ANK2: variants seen among roughly 807,000 people sequenced by gnomAD.
ANK2 encodes the protein ankyrin-2.
Under a neutral mutation model 360.5 loss-of-function variants are expected in ANK2, and 83 were observed. The ratio of observed to expected loss-of-function variants is 0.23; its 90% CI spans 0.19 to 0.28. ANK2 has a LOEUF of 0.28. ANK2 is among the 10% of genes least tolerant of loss of function. The probability of loss-of-function intolerance (pLI) is 1.00; values close to 1 mark genes in which losing one functional copy is unlikely to be tolerated. For synonymous variants in ANK2, 1,740 were observed against 1,759.5 expected (o/e 0.99, Z 0.28); for missense variants, 4,201 against 4,795.7 (o/e 0.88, Z 3.66).
the ANK2 span, among the ~76,000 whole-genome samples, chr4:112,749,982 G>C: frequency 8.5e-5 from 13 of 152,170 alleles, 1 homozygote; most frequent in African/African-American, 3.1e-4. Flanking sequence ...CTGACCCCGT[G>C]ATCCGCCCTC....
At chr4:113,226,246 CG>C (rs2099220146) in intron 4 of ANK2, among the ~76,000 whole-genome samples, 1 of 151,962 alleles carries the variant, frequency 6.6e-6, no homozygotes, top group African/African-American at 2.4e-5. Context: ...GTCAAACCCC[CG>C]TACAAAAACC....
rs1321303634 is a variant in ANK2, at chr4:112,957,012, T to TC, written c.21+52498_21+52499insC. On this transcript the variant is annotated intron_variant, in intron 2 of 30. Transcript: ENST00000503271. ...TTATCTGCACTATTGCTCTTGTTTT[T>TC]TTTTTTTTTTTTTTTTTTTTAATTG... Among the ~76,000 whole-genome samples the TC allele has an allele frequency of 8.2e-5, 12 of 145,666 alleles. No individual in the cohort carries two copies. In the South Asian group the frequency reaches 1.5e-3, roughly 19 times the overall value.
intron 1 of ANK2, among the ~76,000 whole-genome samples, chr4:112,873,400 A>G (rs1328962859): frequency 1.3e-5 from 2 of 151,588 alleles, no homozygotes; most frequent in Non-Finnish European, 2.9e-5. Context: ...AGTATGTCGT[A>G]TTTTCATTTT....
rs771549067 is a variant in ANK2 at position 113,355,177 on chromosome 4, T to C, written c.6559T>C (p.Phe2187Leu). ...TFPLDYMKDE[F>L]LPALSLQSGA... is the part of the protein sequence containing the mutation. ...TCCACTCGACTACATGAAAGATGAG[T>C]TCCTTCCAGCTCTGTCTTTACAAAG... Residue 2187 changes from phenylalanine to leucine, a missense_variant, in exon 38 of 46, where the codon TTC becomes CTC. Physicochemically the swap from Phe to Leu is conservative, Grantham distance 22. Around this residue, in one of 4 missense-constraint regions of ANK2, gnomAD observed 2,642 missense variants for 2,714.5 expected, o/e 0.97. Transcript: ENST00000357077. The C allele has an allele frequency of 1.4e-5, 23 of 1,613,992 alleles. No homozygotes were observed. The South Asian group carries it at 2.5e-4, about 18-fold the overall frequency.
chr4:112,935,274 T>C (rs1198204863), intron 2 of ANK2, among the ~76,000 whole-genome samples: 1 of 152,212 alleles, frequency 6.6e-6, no homozygotes, highest in Non-Finnish European at 1.5e-5. Flanking sequence ...TTTAAATATA[T>C]TTTCTTTCAT....
chr4:113,280,800 A>T (rs543024880), intron 17 of ANK2, among the ~76,000 whole-genome samples: 2 of 152,300 alleles, frequency 1.3e-5, no homozygotes, highest in South Asian at 4.1e-4. Flanking sequence ...TTCTTTGATG[A>T]TCGCTTATGT....
intron 1 of ANK2, among the ~76,000 whole-genome samples, chr4:113,172,611 A>G (rs1301794765): frequency 6.6e-6 from 1 of 152,146 alleles, no homozygotes; most frequent in Non-Finnish European, 1.5e-5. Flanking sequence ...TGTTACCTAT[A>G]AGCATCTGCT....
chr4:112,721,056 C>A, the ANK2 span, among the ~76,000 whole-genome samples: 1 of 152,038 alleles, frequency 6.6e-6, no homozygotes. Flanking sequence ...AATCCCAGAA[C>A]CCCCAAGGTT....
intron 2 of ANK2, among the ~76,000 whole-genome samples, chr4:113,033,607 G>A (rs182670112): frequency 4.4e-4 from 67 of 151,372 alleles, no homozygotes; most frequent in East Asian, 1.4e-3. Context: ...GTGTGTGTGC[G>A]TGTGTGTGTG....
intron 1 of ANK2, among the ~76,000 whole-genome samples, chr4:113,062,456 T>G (rs1223061567): frequency 6.6e-6 from 1 of 152,138 alleles, no homozygotes; most frequent in Non-Finnish European, 1.5e-5. Flanking sequence ...ATTCTTAAAT[T>G]TTCTGGCTGT....
chr4:113,351,860 C>T (rs1266851203), intron 37 of ANK2, among the ~76,000 whole-genome samples: 2 of 152,238 alleles, frequency 1.3e-5, no homozygotes, highest in African/African-American at 4.8e-5. Context: ...ATTAAATAAT[C>T]TTCATCTAGG....
At chr4:113,197,390 T>TA (rs2098763794) in intron 3 of ANK2, among the ~76,000 whole-genome samples, 2 of 152,192 alleles carry the variant, frequency 1.3e-5, no homozygotes, top group Admixed American at 1.3e-4. Context: ...AACAGACATT[T>TA]AAAAAACTAT....
At chr4:112,899,873 C>G (rs937485938) in intron 1 of ANK2, among the ~76,000 whole-genome samples, 2 of 152,044 alleles carry the variant, frequency 1.3e-5, no homozygotes, top group Admixed American at 6.6e-5. Flanking sequence ...TTGAACAACC[C>G]CCTGCACACT....
chr4:113,090,694 CA>C (rs1363157366), intron 1 of ANK2, among the ~76,000 whole-genome samples: 3 of 152,166 alleles, frequency 2.0e-5, no homozygotes, highest in Non-Finnish European at 4.4e-5. Context: ...ATGTTTTAAT[CA>C]GAAGATTTTA....
chr4:112,826,454 T>C (rs2058427164), intron 1 of ANK2: 7 of 1,064,870 alleles, frequency 6.6e-6, no homozygotes, highest in Non-Finnish European at 1.0e-5. Flanking sequence ...CAGGTGCAGC[T>C]ATTTGTCTTC....
intron 37 of ANK2, among the ~76,000 whole-genome samples, chr4:113,352,783 T>C (rs1313154557): frequency 6.6e-6 from 1 of 152,186 alleles, no homozygotes; most frequent in Non-Finnish European, 1.5e-5. Context: ...CTTTGTTGTA[T>C]GTGTGGATGT....
intron 1 of ANK2, among the ~76,000 whole-genome samples, chr4:113,067,450 G>A (rs2076035527): frequency 2.0e-5 from 3 of 152,110 alleles, no homozygotes; most frequent in Admixed American, 2.0e-4. Context: ...AAGATACTGG[G>A]TCCAGATTTT....
chr4:112,834,434 A>G (rs2060557790), intron 1 of ANK2, among the ~76,000 whole-genome samples: 1 of 152,222 alleles, frequency 6.6e-6, no homozygotes, highest in South Asian at 2.1e-4. Flanking sequence ...GTGCATGCAG[A>G]TTCATTATAT....
Position 113,356,006 on chromosome 4 carries a change from C to T in ANK2, c.7388C>T (p.Ser2463Phe), listed in dbSNP as rs2095742714. 6.2e-6 allele frequency: 10 copies of T among 1,614,126 alleles called. No homozygotes were observed. Among genetic ancestry groups the T allele is most frequent in the Non-Finnish European group, 8.5e-6 (10 of 1,179,980 alleles). ...DSLEPSPLKE[S>F]PCRDSLESSP... ...CTGGAGCCAAGTCCTCTGAAAGAATCCCCTTGCCGTGACTCTCTGGAAAGC... is the reference window on the plus strand; with the variant it reads ...CTGGAGCCAAGTCCTCTGAAAGAATTCCCTTGCCGTGACTCTCTGGAAAGC... The change falls in exon 38 of 46, where the codon TCC becomes TTC. Residue 2463 changes from serine to phenylalanine, a missense_variant. By Grantham distance (155) the Ser-to-Phe change is radical. This residue lies in a region of ANK2 where 2,642 missense variants were observed against 2,714.5 expected (regional missense o/e 0.97). Transcript: ENST00000357077.
Sources: gnomAD v4.1 joint callset for allele counts (sites outside exome capture counted in the v4.1 genomes callset) on GRCh38, gnomAD v4.1.1 for gene constraint, gnomAD v4.1.1 regional missense constraint, MANE v1.5 for transcripts, NCBI Gene and HGNC (gene_info 2026-07-23, HGNC 2026-07-21) for gene names.